Variants in RIMBP2 observed in about 807,000 individuals in gnomAD.
The protein encoded by RIMBP2 is RIMS binding protein 2, also known as RIMS-binding protein 2.
In RIMBP2, 48 loss-of-function variants were observed where a neutral mutation model predicts 118.6. The ratio of observed to expected loss-of-function variants is 0.40; its 90% CI spans 0.32 to 0.51. The LOEUF (loss-of-function observed/expected upper bound fraction) is 0.51. RIMBP2 is among the 20% of genes least tolerant of loss of function. The pLI, the probability that RIMBP2 is intolerant of heterozygous loss-of-function variation, is 0.41. For synonymous variants in RIMBP2, 762 were observed against 742.9 expected, an observed-to-expected ratio of 1.03 and a Z score of -0.42; for missense variants, 1,551 against 1,768.3, an observed-to-expected ratio of 0.88 and a Z score of 2.20.
Position 130,517,815 on chromosome 12 carries a change from T to A in RIMBP2, c.-127+13A>T. 1 of 978,590 alleles carries A rather than the reference T, an allele frequency of 1.0e-6. No individual in the cohort carries two copies. The highest frequency in any genetic ancestry group is 1.2e-6 in the Non-Finnish European group (1 of 823,366). The allele number at this position is 978,590 out of a possible 1,614,324, so 60.6% of individuals were successfully genotyped here. A position where few individuals can be genotyped will look rare whatever the true frequency, so the allele number is the denominator to read the frequency against. ...AGGGCCCCAGATGGTCTGTGGACAG[T>A]GGTATCAGCTACCTTGTCATGCTGC... is the stretch of plus-strand genomic sequence containing the variant. On this transcript the variant is annotated intron_variant, in intron 3 of 22. Coordinates refer to ENST00000690449, the MANE Select transcript of RIMBP2 (RefSeq NM_001393629.1).
intron 3 of RIMBP2, among the ~76,000 whole-genome samples, chr12:130,512,206 G>A (rs883766): frequency 0.12 from 18,963 of 152,200 alleles, 1,483 homozygotes; most frequent in Admixed American, 0.2. Context: ...AGCCCAGCTC[G>A]TGCCAGGGAG....
At chr12:130,527,725 G>A (rs1292740731) in intron 2 of RIMBP2, among the ~76,000 whole-genome samples, 1 of 147,840 alleles carries the variant, frequency 6.8e-6, no homozygotes, top group Non-Finnish European at 1.5e-5. Context: ...GAATCTACAA[G>A]GAACTTAAAC....
At chr12:130,676,162 A>G (rs2064453737) in intron 1 of RIMBP2, among the ~76,000 whole-genome samples, 2 of 152,206 alleles carry the variant, frequency 1.3e-5, no homozygotes, top group South Asian at 4.1e-4. Context: ...GCTATTTATC[A>G]GCCACCCCGT....
chr12:130,438,216 C>T, intron 12 of RIMBP2, 149 bp downstream of exon 12: 1 of 804,860 alleles, frequency 1.2e-6, no homozygotes, highest in Non-Finnish European at 2.0e-6. Context: ...TCCTGGGGTT[C>T]ACGCTGATGG....
intron 4 of RIMBP2, among the ~76,000 whole-genome samples, chr12:130,499,740 T>C (rs1048983741): frequency 5.3e-5 from 8 of 152,168 alleles, no homozygotes; most frequent in African/African-American, 1.4e-4. Flanking sequence ...CCACTAAATG[T>C]AAACCAGCTC....
At chr12:130,508,451 C>T (rs1566167150) in intron 3 of RIMBP2, among the ~76,000 whole-genome samples, 1 of 152,026 alleles carries the variant, frequency 6.6e-6, no homozygotes, top group Non-Finnish European at 1.5e-5. Context: ...AGCTTCTTCC[C>T]ACCCCGGGGC....
intron 2 of RIMBP2, among the ~76,000 whole-genome samples, chr12:130,604,491 TCAC>T (rs2060053652): frequency 6.0e-5 from 1 of 16,714 alleles, no homozygotes; most frequent in African/African-American, 2.7e-4. Flanking sequence ...ACTCACTCAC[TCAC>T]TCACTCACTC....
chr12:130,509,831 CT>C (rs1317467740), intron 3 of RIMBP2, among the ~76,000 whole-genome samples: 3 of 152,076 alleles, frequency 2.0e-5, no homozygotes, highest in African/African-American at 7.2e-5. Context: ...TATTGTGACC[CT>C]GATGGGTAAA....
At chr12:130,479,211 C>G (rs1362060558) in intron 4 of RIMBP2, among the ~76,000 whole-genome samples, 195 bp from the exon 5 acceptor site, 1 of 152,238 alleles carries the variant, frequency 6.6e-6, no homozygotes, top group Non-Finnish European at 1.5e-5. Flanking sequence ...GGAGCTATGA[C>G]ATAAACAAGC....
chr12:130,621,187 G>A lies in RIMBP2; in HGVS notation c.-217+7135C>T, dbSNP rs776161034. Among the ~76,000 whole-genome samples the A allele has an allele frequency of 1.3e-4, 20 of 152,148 alleles. No individual in the cohort carries two copies. The highest frequency in any genetic ancestry group is 2.4e-4 in the Non-Finnish European group (16 of 68,034). ...CCTTGAGTTCAGTCACCAGGCTCTGGAGATGGGTCTTCTGAAAGGTGAGGG... is the reference window on the plus strand; with the variant it reads ...CCTTGAGTTCAGTCACCAGGCTCTGAAGATGGGTCTTCTGAAAGGTGAGGG... On this transcript the variant is annotated intron_variant, in intron 2 of 22. Coordinates refer to ENST00000690449, the MANE Select transcript of RIMBP2 (RefSeq NM_001393629.1). This position sits in a 1 kb window ranked among gnomAD's most constrained non-coding sequence, Gnocchi z 6.6.
At chr12:130,572,049 T>C (rs775174172) in intron 2 of RIMBP2, among the ~76,000 whole-genome samples, 24 of 152,208 alleles carry the variant, frequency 1.6e-4, no homozygotes, top group Non-Finnish European at 3.4e-4. Flanking sequence ...CATTGGTGTA[T>C]CTACTGTTTG....
At chr12:130,489,260 G>T (rs1367703058) in intron 4 of RIMBP2, among the ~76,000 whole-genome samples, 2 of 152,160 alleles carry the variant, frequency 1.3e-5, no homozygotes, top group Non-Finnish European at 2.9e-5. Flanking sequence ...GGATAGAATG[G>T]TGGGAATCTG....
intron 4 of RIMBP2, among the ~76,000 whole-genome samples, chr12:130,491,160 T>C (rs369000846): frequency 1.2e-4 from 18 of 152,350 alleles, no homozygotes; most frequent in African/African-American, 4.3e-4. Flanking sequence ...CTAGAAGTAC[T>C]GTTATGCTAA....
chr12:130,684,341 G>A (rs140165474), intron 1 of RIMBP2, among the ~76,000 whole-genome samples: 3,706 of 152,200 alleles, frequency 0.024, 157 homozygotes, highest in African/African-American at 0.084. Flanking sequence ...ACCAAGCTGC[G>A]CCCCAACCAC....
At chr12:130,663,107 C>T (rs1315630321) in intron 1 of RIMBP2, among the ~76,000 whole-genome samples, 2 of 152,208 alleles carry the variant, frequency 1.3e-5, no homozygotes, top group Non-Finnish European at 2.9e-5. Flanking sequence ...CCAGCAGGTT[C>T]TGCAGGCAGG....
rs530918350 is a variant in RIMBP2 at position 130,401,066 on chromosome 12, A to AGGG, written c.3766-1254_3766-1253insCCC. On this transcript the variant is annotated intron_variant, in intron 21 of 22. Transcript: ENST00000690449. ...ACGGATGGTGGTGATTGTTTGCACA[A>AGGG]TGTAAACATACTTAACACTACTGAA... Among the ~76,000 whole-genome samples, 601 of 152,292 alleles carry AGGG rather than the reference A, an allele frequency of 3.9e-3. 4 individuals are homozygous for AGGG. The highest frequency in any genetic ancestry group is 0.014 in the African/African-American group (561 of 41,554).
chr12:130,470,814 G>A, intron 5 of RIMBP2, 71 bp from the exon 6 acceptor site: 1 of 818,888 alleles, frequency 1.2e-6, no homozygotes, highest in East Asian at 3.4e-5. Flanking sequence ...ATCAATGTCT[G>A]AATCACTGGG....
intron 1 of RIMBP2, among the ~76,000 whole-genome samples, chr12:130,650,028 G>GA (rs1162149250): frequency 1.1e-3 from 155 of 143,056 alleles, no homozygotes; most frequent in South Asian, 1.8e-3. Context: ...TGTTGAAGCT[G>GA]AAAAAAAAAA....
intron 4 of RIMBP2, among the ~76,000 whole-genome samples, chr12:130,490,752 T>TGA (rs955152222): frequency 2.6e-5 from 4 of 152,166 alleles, no homozygotes; most frequent in Admixed American, 2.6e-4. Context: ...CTGAGACCTG[T>TGA]GAGTTCAGCA....
Sources: allele counts gnomAD v4.1 joint callset (sites outside exome capture counted in the v4.1 genomes callset), GRCh38; gene constraint gnomAD v4.1.1; non-coding constraint Gnocchi (gnomAD v3.1); transcripts MANE v1.5; gene names NCBI Gene and HGNC (gene_info 2026-07-23, HGNC 2026-07-21).